LUZP1: variants seen among roughly 807,000 people sequenced by gnomAD.
The protein encoded by LUZP1 is filamin mechanobinding actin cross-linking protein.
A neutral mutation model predicts 71.3 loss-of-function variants in LUZP1; 25 were observed. That is an observed-to-expected ratio of 0.35 (90% confidence interval 0.26 to 0.49). The LOEUF (loss-of-function observed/expected upper bound fraction) is 0.49, where lower values mean the gene tolerates loss of function less well. LUZP1 is among the 20% of genes least tolerant of loss of function. The probability of loss-of-function intolerance (pLI) is 0.99; values close to 1 mark genes in which losing one functional copy is unlikely to be tolerated. For missense variants in LUZP1, 1,142 were observed against 1,300.8 expected (o/e 0.88, Z 1.88); for synonymous variants, 481 against 506.4 (o/e 0.95, Z 0.67).
exon 4 of LUZP1, chr1:23,092,439 C>T (rs1436236002): frequency 1.2e-6 from 2 of 1,614,080 alleles, no homozygotes; most frequent in East Asian, 2.2e-5. Flanking sequence ...GCTTCTACAG[C>T]TATAAGGATA....
At chr1:23,135,732 A>C (rs1644248236) in intron 2 of LUZP1, among the ~76,000 whole-genome samples, 1 of 152,206 alleles carries the variant, frequency 6.6e-6, no homozygotes, top group Non-Finnish European at 1.5e-5. Context: ...TCTTTAAAGG[A>C]AGAGAATATT....
intron 2 of LUZP1, among the ~76,000 whole-genome samples, chr1:23,152,792 A>G (rs891596425): frequency 1.3e-5 from 2 of 152,012 alleles, no homozygotes; most frequent in Non-Finnish European, 2.9e-5. Context: ...CGACCTCCCA[A>G]AGTGCTAGGA....
At chr1:23,091,679 C>T (rs1284126695) in exon 4 of LUZP1, 1 of 1,614,108 alleles carries the variant, frequency 6.2e-7, no homozygotes, top group Non-Finnish European at 8.5e-7. Flanking sequence ...GCCCATCTGC[C>T]ATTCTCTCCG....
chr1:23,148,102 C>A (rs1204814753), intron 2 of LUZP1, among the ~76,000 whole-genome samples: 3 of 152,192 alleles, frequency 2.0e-5, no homozygotes, highest in Non-Finnish European at 4.4e-5. Flanking sequence ...CTTAAAATTA[C>A]TTACTTTTTC....
chr1:23,111,356 G>A (rs958129015), intron 2 of LUZP1, among the ~76,000 whole-genome samples: 9 of 151,110 alleles, frequency 6.0e-5, no homozygotes, highest in African/African-American at 2.2e-4. Flanking sequence ...TTCAAGAACA[G>A]CCTGGACAAC....
At position 23,177,288 on chromosome 1, in the gene LUZP1, T is replaced by TTTGAAA; in HGVS notation, c.-485+202_-485+203insTTTCAA. ...AACATGTTACACAATTACAAGGGGT[T>TTTGAAA]CACAGACCTCTGAGAGGACATCGGT... On this transcript the variant is annotated intron_variant, in intron 1 of 4. Transcript: ENST00000302291. Among the ~76,000 whole-genome samples, 4 of 152,228 alleles carry TTTGAAA rather than the reference T, an allele frequency of 2.6e-5. No individual in the cohort carries two copies. In the South Asian group the frequency reaches 8.3e-4, roughly 32 times the overall value.
At chr1:23,150,583 T>C (rs1333984084) in intron 2 of LUZP1, among the ~76,000 whole-genome samples, 1 of 152,080 alleles carries the variant, frequency 6.6e-6, no homozygotes, top group Admixed American at 6.5e-5. Context: ...AAGAATGAGG[T>C]AGAAAAGAAT....
At chr1:23,115,382 A>G (rs1372185971) in intron 2 of LUZP1, among the ~76,000 whole-genome samples, 2 of 152,222 alleles carry the variant, frequency 1.3e-5, no homozygotes, top group African/African-American at 4.8e-5. Context: ...CACCTTGCCA[A>G]AGAAACCTTA....
chr1:23,149,078 C>CT (rs1369103098), intron 2 of LUZP1, among the ~76,000 whole-genome samples: 1 of 65,460 alleles, frequency 1.5e-5, no homozygotes, highest in African/African-American at 1.0e-4. Context: ...GACACCTTGC[C>CT]TAAAAAAAAA....
exon 5 of LUZP1, chr1:23,088,947 A>G: frequency 1.2e-6 from 2 of 1,614,020 alleles, no homozygotes; most frequent in Non-Finnish European, 1.7e-6. Context: ...CTCGGCCCGT[A>G]CTCGCCCAGA....
Position 23,094,238 on chromosome 1 carries a change from C to G in LUZP1, c.24G>C (p.Lys8Asn). The G allele has an allele frequency of 6.2e-7, 1 of 1,607,442 alleles. No individual in the cohort carries two copies. Among genetic ancestry groups the G allele is most frequent in the Non-Finnish European group, 8.5e-7 (1 of 1,177,344 alleles). Residue 8 changes from lysine to asparagine, a missense_variant, in exon 4 of 5, where the codon AAG (lysine) becomes AAC (asparagine). Transcript: ENST00000302291. The surrounding 1 kb of genome is among the most constrained non-coding windows in gnomAD (Gnocchi z 4.7). ...GCAAGTGGCGGCTGGAGGCCGTCTC[C>G]TTGTAGCTTGTAAATTCGGCCATGT...
chr1:23,152,950 A>G (rs1216904431), intron 2 of LUZP1, among the ~76,000 whole-genome samples: 1 of 151,980 alleles, frequency 6.6e-6, no homozygotes, highest in Non-Finnish European at 1.5e-5. Flanking sequence ...TTTTCTTCCC[A>G]TTCCACTTGC....
At chr1:23,149,328 A>G (rs1351937700) in intron 2 of LUZP1, among the ~76,000 whole-genome samples, 1 of 152,106 alleles carries the variant, frequency 6.6e-6, no homozygotes, top group African/African-American at 2.4e-5. Context: ...TAAGATGTAC[A>G]GTGCCAACAT....
intron 3 of LUZP1, among the ~76,000 whole-genome samples, chr1:23,099,263 A>AT (rs1488468984): frequency 6.6e-6 from 1 of 152,266 alleles, no homozygotes; most frequent in African/African-American, 2.4e-5. Context: ...GGAGGACTTA[A>AT]TTAAGTTTAG....
chr1:23,152,000 T>A lies in LUZP1; in HGVS notation c.-226+16766A>T, dbSNP rs1247713870. Among the ~76,000 whole-genome samples the A allele has an allele frequency of 4.8e-5, 6 of 126,024 alleles. 1 individual carries two copies. 82.7% of individuals were successfully genotyped at this position (126,024 alleles called of 152,430 possible). ...CTGGGCAAAAAAGCAAGACTCAGTC[T>A]CCAAAAAAAAAAAAAAAGAAAAGAA... On this transcript the variant is annotated intron_variant, in intron 2 of 4. Transcript: ENST00000302291.
At position 23,093,622 on chromosome 1, in the gene LUZP1, G is replaced by C. The variant is rs138186722; in HGVS notation, c.640C>G (p.Leu214Val). 4.2e-5 allele frequency: 67 copies of C among 1,611,560 alleles called. No individual in the cohort carries two copies. The highest frequency in any genetic ancestry group is 5.7e-5 in the Non-Finnish European group (67 of 1,179,530). Residue 214 changes from leucine to valine, a missense_variant, in exon 4 of 5, where the codon CTC (leucine) becomes GTC (valine). Transcript: ENST00000302291. The surrounding 1 kb of genome is among the most constrained non-coding windows in gnomAD (Gnocchi z 4.2). Reference sequence around the variant, plus strand: ...TTGTTCTGCTCTAGTTTTTGAGTGAGTTCTTTTATCAATTTCTCATTTTCT... The same window carrying C: ...TTGTTCTGCTCTAGTTTTTGAGTGACTTCTTTTATCAATTTCTCATTTTCT...
rs1485868260 is a variant in LUZP1 at position 23,093,117 on chromosome 1, T to G, written c.1145A>C (p.Glu382Ala). ...CGCTGTGTGCTTGGACACAGAAGCT[T>G]CACTTCCGTGGCCTCTAAACTTAGT... The change falls in exon 4 of 5, where the codon GAA becomes GCA. Residue 382 changes from glutamate to alanine, a missense_variant. Coordinates refer to ENST00000302291, the Ensembl canonical transcript of LUZP1. This position sits in a 1 kb window ranked among gnomAD's most constrained non-coding sequence, Gnocchi z 4.2. The G allele has an allele frequency of 3.7e-6, 6 of 1,614,156 alleles. No homozygotes were observed. The Admixed American group carries it at 8.3e-5, about 22-fold the overall frequency.
chr1:23,109,461 G>C (rs891562422), intron 2 of LUZP1: 2 of 152,236 alleles, frequency 1.3e-5, no homozygotes, highest in Non-Finnish European at 2.9e-5. Flanking sequence ...CTTACAGCTA[G>C]GAAGCATCTC....
intron 3 of LUZP1, among the ~76,000 whole-genome samples, chr1:23,100,141 C>A (rs547868001): frequency 6.6e-6 from 1 of 152,210 alleles, no homozygotes; most frequent in South Asian, 2.1e-4. Context: ...TTCTTCTCTC[C>A]AACTTGTGTC....
Sources: allele counts gnomAD v4.1 joint callset (sites outside exome capture counted in the v4.1 genomes callset), GRCh38; gene constraint gnomAD v4.1.1; non-coding constraint Gnocchi (gnomAD v3.1); transcripts MANE v1.5; gene names NCBI Gene and HGNC (gene_info 2026-07-23, HGNC 2026-07-21).